Variants in ZNF609 observed in about 807,000 individuals in gnomAD.
ZNF609 encodes the protein zinc finger protein 609.
A neutral mutation model predicts 109.5 loss-of-function variants in ZNF609; 11 were observed. The ratio of observed to expected loss-of-function variants is 0.10; its 90% CI spans 0.06 to 0.17. ZNF609 has a LOEUF of 0.17. Among genes scored for constraint, ZNF609 ranks in the 10% least tolerant of loss-of-function variants. ZNF609 has a pLI of 1.00. For missense variants in ZNF609, 1,559 were observed against 1,772.4 expected, an observed-to-expected ratio of 0.88 and a Z score of 2.16; for synonymous variants, 646 against 662.0, an observed-to-expected ratio of 0.98 and a Z score of 0.37.
intron 3 of ZNF609, among the ~76,000 whole-genome samples, chr15:64,649,524 T>A (rs1896384166): frequency 6.6e-6 from 1 of 152,174 alleles, no homozygotes; most frequent in South Asian, 2.1e-4. Context: ...GCTGAGGAGT[T>A]CCTATTCTTC....
chr15:64,563,074 TCAAGGCTGCAGTGAGC>T (rs1747005713), intron 2 of ZNF609, among the ~76,000 whole-genome samples: 2 of 151,692 alleles, frequency 1.3e-5, no homozygotes, highest in South Asian at 4.2e-4. Flanking sequence ...AGCCTGGGGG[TCAAGGCTGCAGTGAGC>T]CATGATCACG....
At chr15:64,553,694 G>C (rs1021125049) in intron 2 of ZNF609, among the ~76,000 whole-genome samples, 1 of 151,870 alleles carries the variant, frequency 6.6e-6, no homozygotes, top group Non-Finnish European at 1.5e-5. Context: ...CGCCTTCTGG[G>C]TTCACGCCAT....
At chr15:64,658,530 G>A (rs1896525017) in intron 3 of ZNF609, among the ~76,000 whole-genome samples, 1 of 151,738 alleles carries the variant, frequency 6.6e-6, no homozygotes, top group African/African-American at 2.4e-5. Flanking sequence ...CACATACCAT[G>A]GCTCACACTT....
At position 64,463,416 on chromosome 15, in the gene ZNF609, A is replaced by AT. The variant is rs74560373; in HGVS notation, c.-128+2578_-128+2579insT. Among the ~76,000 whole-genome samples the AT allele has an allele frequency of 2.1e-3, 318 of 150,970 alleles. 2 individuals carry two copies. Among genetic ancestry groups the AT allele is most frequent in the African/African-American group, 7.3e-3 (297 of 40,516 alleles). On this transcript the variant is annotated intron_variant, in intron 1 of 9. Coordinates refer to ENST00000326648, the MANE Select transcript of ZNF609 (RefSeq NM_015042.2). ...CTTGTCTTTAAAAAAAAAAAAAAAAAATTTGGGGCCTGGAAAAGAGGTTTC... is the reference window on the plus strand; with the variant it reads ...CTTGTCTTTAAAAAAAAAAAAAAAAATATTTGGGGCCTGGAAAAGAGGTTTC...
chr15:64,504,910 T>G (rs2140353940), intron 2 of ZNF609, among the ~76,000 whole-genome samples: 1 of 152,188 alleles, frequency 6.6e-6, no homozygotes. Flanking sequence ...ACTTCTGCCT[T>G]GGCCTCGCAA....
chr15:64,511,428 C>A (rs1015654029), intron 2 of ZNF609, among the ~76,000 whole-genome samples: 2 of 146,884 alleles, frequency 1.4e-5, no homozygotes, highest in African/African-American at 5.1e-5. Flanking sequence ...TTGCAGTGAG[C>A]TGAGAACACG....
At chr15:64,487,654 A>G (rs915694009) in intron 1 of ZNF609, among the ~76,000 whole-genome samples, 1 of 149,708 alleles carries the variant, frequency 6.7e-6, no homozygotes, top group African/African-American at 2.5e-5. Flanking sequence ...TTTTTTTGAG[A>G]CGGAGTCTTG....
At chr15:64,577,071 T>TATAC (rs1567019128) in intron 2 of ZNF609, among the ~76,000 whole-genome samples, 1 of 47,736 alleles carries the variant, frequency 2.1e-5, no homozygotes, top group African/African-American at 5.0e-5. Context: ...TATGTATATA[T>TATAC]ACACAAATAT....
chr15:64,476,933 T>C (rs1382799851), intron 1 of ZNF609, among the ~76,000 whole-genome samples: 1 of 151,904 alleles, frequency 6.6e-6, no homozygotes, highest in Non-Finnish European at 1.5e-5. Context: ...TTTCAAAGAG[T>C]GTGTGCTATG....
Position 64,657,715 on chromosome 15 carries a change from T to G in ZNF609, c.974-12631T>G, listed in dbSNP as rs1357726900. 2.6e-5 allele frequency among the ~76,000 whole-genome samples: 4 copies of G among 152,256 alleles called. No individual in the cohort carries two copies. In the East Asian group the frequency reaches 7.7e-4, roughly 29 times the overall value. Reference sequence around the variant, plus strand: ...GTTAGGGAGCACAATTCAAAGACTATTGGGATAGTCTACAGGTAAGTTAAT... The same window carrying G: ...GTTAGGGAGCACAATTCAAAGACTAGTGGGATAGTCTACAGGTAAGTTAAT... On this transcript the variant is annotated intron_variant, in intron 3 of 9. Transcript: ENST00000326648.
intron 2 of ZNF609, among the ~76,000 whole-genome samples, chr15:64,607,858 TC>T (rs1895634280): frequency 2.3e-5 from 1 of 42,560 alleles, no homozygotes; most frequent in African/African-American, 5.1e-5. Context: ...TTTCTTTCTT[TC>T]TTTCTTTCTT....
At chr15:64,518,714 A>T (rs140939440) in intron 2 of ZNF609, among the ~76,000 whole-genome samples, 1 of 152,296 alleles carries the variant, frequency 6.6e-6, no homozygotes, top group East Asian at 1.9e-4. Context: ...GATTTGAGAG[A>T]ATAGAAGTTC....
intron 2 of ZNF609, among the ~76,000 whole-genome samples, chr15:64,602,889 A>ATTTTTTTTTTTTTT (rs10600562): frequency 1.6e-4 from 12 of 75,170 alleles, no homozygotes; most frequent in African/African-American, 3.4e-4. Flanking sequence ...CTCTGGGCTA[A>ATTTTTTTTTTTTTT]TTTTTTTTTT....
At chr15:64,564,830 T>C (rs1200071193) in intron 2 of ZNF609, among the ~76,000 whole-genome samples, 1 of 151,828 alleles carries the variant, frequency 6.6e-6, no homozygotes, top group Non-Finnish European at 1.5e-5. Flanking sequence ...GTTATACACA[T>C]TGCTCACTAA....
rs1181322703 is a variant in ZNF609 at position 64,683,175 on chromosome 15, C to T, written c.*1489C>T. 1 of 152,570 alleles carries T rather than the reference C, an allele frequency of 6.6e-6. No individual in the cohort carries two copies. Among genetic ancestry groups the T allele is most frequent in the Non-Finnish European group, 1.5e-5 (1 of 68,034 alleles). 9.5% of individuals were successfully genotyped at this position (152,570 alleles called of 1,614,324 possible). A position where few individuals can be genotyped will look rare whatever the true frequency, so the allele number is the denominator to read the frequency against. Reference sequence around the variant, plus strand: ...TTTGAGGTATCATCCCTCTGTTCTCCCCTCCTATCTTTCCATGACCCTCTG... The same window carrying T: ...TTTGAGGTATCATCCCTCTGTTCTCTCCTCCTATCTTTCCATGACCCTCTG... On this transcript the variant is annotated 3_prime_UTR_variant, in exon 10 of 10. Coordinates refer to ENST00000326648, the MANE Select transcript of ZNF609 (RefSeq NM_015042.2).
At chr15:64,578,611 T>C (rs1895041273) in intron 2 of ZNF609, among the ~76,000 whole-genome samples, 1 of 152,150 alleles carries the variant, frequency 6.6e-6, no homozygotes, top group Admixed American at 6.6e-5. Context: ...GAGAATAGCT[T>C]GAACCCGGGA....
chr15:64,546,686 C>A (rs1456978862), intron 2 of ZNF609, among the ~76,000 whole-genome samples: 2 of 151,760 alleles, frequency 1.3e-5, no homozygotes, highest in Non-Finnish European at 2.9e-5. Context: ...ATTGCCTAAG[C>A]TGTTCTTGAG....
At position 64,539,171 on chromosome 15, in the gene ZNF609, TTTATTTA is replaced by T. The variant is rs1266131190; in HGVS notation, c.747+39008_747+39014del. ...GGCGCCTGCCACCATGCCTTATTTA[TTTATTTA>T]TTTATTTATTTATTTATTTATTTAT... On this transcript the variant is annotated intron_variant, in intron 2 of 9. Transcript: ENST00000326648. Among the ~76,000 whole-genome samples the T allele has an allele frequency of 2.0e-4, 27 of 137,484 alleles. No individual in the cohort carries two copies. The South Asian group carries it at 3.7e-3, about 19-fold the overall frequency. 90.2% of individuals were successfully genotyped at this position (137,484 alleles called of 152,430 possible).
chr15:64,485,154 C>T (rs984072238), intron 1 of ZNF609, among the ~76,000 whole-genome samples: 1 of 152,072 alleles, frequency 6.6e-6, no homozygotes, highest in Non-Finnish European at 1.5e-5. Context: ...ACTGTGTATT[C>T]TGTTGACCCC....
Sources: allele counts gnomAD v4.1 joint callset (sites outside exome capture counted in the v4.1 genomes callset), GRCh38; gene constraint gnomAD v4.1.1; transcripts MANE v1.5; gene names NCBI Gene and HGNC (gene_info 2026-07-23, HGNC 2026-07-21).